The following CRHR1 variants were observed in gnomAD, a reference collection of about 807,000 sequenced individuals.
CRHR1 encodes the protein corticotropin releasing hormone receptor 1.
A neutral mutation model predicts 56.0 loss-of-function variants in CRHR1; 28 were observed. The ratio of observed to expected loss-of-function variants is 0.50; its 90% CI spans 0.37 to 0.69. The LOEUF is 0.69. Among genes scored for constraint, CRHR1 ranks in the 30% least tolerant of loss-of-function variants. The pLI is 0.00. For synonymous variants in CRHR1, 195 were observed against 216.5 expected (o/e 0.90, Z 0.87); for missense variants, 376 against 548.0 (o/e 0.69, Z 3.13).
chr17:45,829,156 C>T (rs1309985074), intron 4 of CRHR1, 59 bp from the exon 5 acceptor site: 3 of 1,368,568 alleles, frequency 2.2e-6, no homozygotes, highest in African/African-American at 1.4e-5. Flanking sequence ...AGGCGATGTC[C>T]TCACAGAGCA....
chr17:45,833,421 A>T (rs1251585638), intron 9 of CRHR1, 31 bp from the exon 10 acceptor site: 13 of 1,611,470 alleles, frequency 8.1e-6, no homozygotes, highest in Non-Finnish European at 1.1e-5. Context: ...CCTCTTGCAC[A>T]CTCCGGCCCG....
chr17:45,785,948 A>C (rs916241045), intron 1 of CRHR1, among the ~76,000 whole-genome samples: 9 of 152,126 alleles, frequency 5.9e-5, no homozygotes, highest in African/African-American at 2.2e-4. Flanking sequence ...GTTCGAGGAG[A>C]CAGACAGGTG....
chr17:45,817,598 C>G (rs2061955025), intron 3 of CRHR1, among the ~76,000 whole-genome samples: 1 of 152,228 alleles, frequency 6.6e-6, no homozygotes, highest in African/African-American at 2.4e-5. Context: ...TCCTGCCCCT[C>G]TTTCCTCTAC....
At chr17:45,830,385 A>G in intron 6 of CRHR1, 32 bp from the exon 7 acceptor site, 3 of 1,591,068 alleles carry the variant, frequency 1.9e-6, no homozygotes, top group Non-Finnish European at 8.6e-7. Flanking sequence ...CCTGCCCCCC[A>G]TCATCATCTC....
intron 8 of CRHR1, among the ~76,000 whole-genome samples, chr17:45,831,660 T>C (rs549009032): frequency 6.6e-6 from 1 of 152,270 alleles, no homozygotes; most frequent in East Asian, 1.9e-4. Context: ...CCAGAAGTCT[T>C]GAAAACTGCC....
rs749931485 is a variant in CRHR1 at position 45,830,441 on chromosome 17, G to T, written c.580G>T (p.Ala194Ser). The T allele has an allele frequency of 3.7e-6, 6 of 1,612,482 alleles. No homozygotes were observed. In the East Asian group the frequency reaches 1.3e-4, roughly 36 times the overall value. ...NVGWCRLVTA[A>S]YNYFHVTNFF... ...GGGCTGGTGCAGGTTGGTGACAGCC[G>T]CCTACAACTACTTCCATGTGACCAA... The change falls in exon 7 of 13, where the codon GCC (alanine) becomes TCC (serine). Residue 194 changes from alanine (A) to serine (S), a missense_variant. This residue lies in a region of CRHR1 where 369 missense variants were observed against 519.5 expected (regional missense o/e 0.71). Transcript: ENST00000314537.
chr17:45,786,636 C>CTTTTTTT (rs34895436), intron 1 of CRHR1, among the ~76,000 whole-genome samples: 1 of 108,400 alleles, frequency 9.2e-6, no homozygotes. Flanking sequence ...AGAAAATATC[C>CTTTTTTT]TTTTTTTTTT....
intron 2 of CRHR1, among the ~76,000 whole-genome samples, chr17:45,815,519 C>A (rs2061909462): frequency 6.6e-6 from 1 of 152,166 alleles, no homozygotes; most frequent in Admixed American, 6.5e-5. Context: ...GTCACAGACC[C>A]CTTTGAGAAT....
chr17:45,797,197 G>C (rs992546248), intron 1 of CRHR1, among the ~76,000 whole-genome samples: 2 of 151,848 alleles, frequency 1.3e-5, no homozygotes, highest in African/African-American at 4.8e-5. Flanking sequence ...CAGGAAGGAA[G>C]AACGTGCAAA....
chr17:45,814,893 G>A (rs917231511), intron 2 of CRHR1, among the ~76,000 whole-genome samples: 2 of 152,254 alleles, frequency 1.3e-5, no homozygotes, highest in African/African-American at 4.8e-5. Context: ...TAAGCCACTT[G>A]GCCTGAAGGC....
At chr17:45,827,592 C>T (rs886329010) in intron 4 of CRHR1, 3 of 152,286 alleles carry the variant, frequency 2.0e-5, no homozygotes, top group Non-Finnish European at 4.4e-5. Context: ...GTCTCTCCTG[C>T]CTTCATTTAC....
At chr17:45,832,992 G>T in intron 8 of CRHR1, 146 bp from the exon 9 acceptor site, 1 of 718,022 alleles carries the variant, frequency 1.4e-6, no homozygotes, top group East Asian at 2.5e-5. Flanking sequence ...GGGATCAAGT[G>T]ACTTGACCTT....
chr17:45,805,942 G>T (rs752386456), intron 1 of CRHR1, among the ~76,000 whole-genome samples: 14 of 152,216 alleles, frequency 9.2e-5, no homozygotes, highest in Non-Finnish European at 2.1e-4. Flanking sequence ...AAAATTGAGT[G>T]CAATGAACAA....
At chr17:45,818,675 C>T (rs2061976955) in intron 3 of CRHR1, among the ~76,000 whole-genome samples, 1 of 152,120 alleles carries the variant, frequency 6.6e-6, no homozygotes. Context: ...GCCTCCAGCG[C>T]CAGATGAGGT....
chr17:45,807,894 G>T (rs191917463), intron 2 of CRHR1, among the ~76,000 whole-genome samples: 1 of 152,220 alleles, frequency 6.6e-6, no homozygotes. Flanking sequence ...CATGCAGCCA[G>T]TACATGGCAG....
In CRHR1 at chr17:45,792,265, C is replaced by A. The variant is rs777349628; in HGVS notation, c.33+7688C>A. On this transcript the variant is annotated intron_variant, in intron 1 of 12. Coordinates refer to ENST00000314537, the MANE Select transcript of CRHR1 (RefSeq NM_004382.5). Reference sequence around the variant, plus strand: ...GCTTGGTCTTGGTCTAAGCCACGCCCTTCCCCTTCCTCTTTCTGCCAACTC... The same window carrying A: ...GCTTGGTCTTGGTCTAAGCCACGCCATTCCCCTTCCTCTTTCTGCCAACTC... Among the ~76,000 whole-genome samples the A allele has an allele frequency of 3.3e-4, 50 of 152,238 alleles. 1 individual carries two copies. The highest frequency in any genetic ancestry group is 2.1e-4 in the South Asian group (1 of 4,828).
At chr17:45,793,039 A>C (rs2061454059) in intron 1 of CRHR1, among the ~76,000 whole-genome samples, 1 of 152,026 alleles carries the variant, frequency 6.6e-6, no homozygotes, top group Non-Finnish European at 1.5e-5. Flanking sequence ...CCCTGCTCCC[A>C]CTCCCCAATG....
intron 8 of CRHR1, among the ~76,000 whole-genome samples, chr17:45,832,885 A>G (rs1338917447): frequency 6.6e-6 from 1 of 152,148 alleles, no homozygotes; most frequent in Non-Finnish European, 1.5e-5. Context: ...AGTCTTTCCC[A>G]CTGTCTACCT....
chr17:45,806,626 T>C (rs2061725192), intron 1 of CRHR1, among the ~76,000 whole-genome samples: 1 of 152,086 alleles, frequency 6.6e-6, no homozygotes, highest in Non-Finnish European at 1.5e-5. Flanking sequence ...TGTGTGTGTG[T>C]GCACATGCAC....
Sources: gnomAD v4.1 joint callset for allele counts (sites outside exome capture counted in the v4.1 genomes callset) on GRCh38, gnomAD v4.1.1 for gene constraint, gnomAD v4.1.1 regional missense constraint, MANE v1.5 for transcripts, NCBI Gene and HGNC (gene_info 2026-07-23, HGNC 2026-07-21) for gene names.